The following PSMG1 variants were observed in gnomAD, a reference collection of about 807,000 sequenced individuals.
The protein encoded by PSMG1 is Down syndrome critical region gene 2.
In PSMG1, 23 loss-of-function variants were observed where a neutral mutation model predicts 37.2. The ratio of observed to expected loss-of-function variants is 0.62; its 90% CI spans 0.44 to 0.88. The LOEUF (loss-of-function observed/expected upper bound fraction) is 0.88. Ranked by LOEUF, PSMG1 falls within the 40% of genes least tolerant of loss-of-function variation. The pLI is 0.00. For missense variants in PSMG1, 340 were observed against 344.2 expected (o/e 0.99, Z 0.10); for synonymous variants, 127 against 128.0 (o/e 0.99, Z 0.05).
At chr21:39,176,667 T>G (rs1331620703) in intron 6 of PSMG1, among the ~76,000 whole-genome samples, 2 of 152,176 alleles carry the variant, frequency 1.3e-5, no homozygotes, top group African/African-American at 4.8e-5. Flanking sequence ...ATACCAAAAT[T>G]AAAAATCGTG....
Position 39,181,897 on chromosome 21 carries a change from T to C in PSMG1, c.135-19A>G, listed in dbSNP as rs200721578. Reference sequence around the variant, plus strand: ...CACTTCCCTAACACAAGAAACAAGATGAAACTAAAGCAACTTCAATATAAA... The same window carrying C: ...CACTTCCCTAACACAAGAAACAAGACGAAACTAAAGCAACTTCAATATAAA... On this transcript the variant is annotated intron_variant, in intron 1 of 6. Coordinates refer to ENST00000331573, the MANE Select transcript of PSMG1 (RefSeq NM_003720.4). The C allele has an allele frequency of 9.1e-6, 14 of 1,542,628 alleles. No individual in the cohort carries two copies. In the East Asian group the frequency reaches 3.3e-4, roughly 36 times the overall value.
rs1202664444 is a variant in PSMG1 at position 39,178,430 on chromosome 21, T to C, written c.655+19A>G. The stretch of plus-strand genomic sequence containing the variant: ...AAAGCAATAAGATAGAATGTAAATG[T>C]TACAAATTTTAATACCACCTGCTGC... On this transcript the variant is annotated intron_variant, in intron 5 of 6. Transcript: ENST00000331573. The C allele has an allele frequency of 6.3e-7, 1 of 1,590,208 alleles. No individual in the cohort carries two copies. Among genetic ancestry groups the C allele is most frequent in the Admixed American group, 1.7e-5 (1 of 59,938 alleles).
chr21:39,183,476 T>G, upstream of PSMG1: 2 of 1,434,578 alleles, frequency 1.4e-6, no homozygotes, highest in East Asian at 5.6e-5. Context: ...GCGCGGGCAA[T>G]AAGTCCCGCC....
In PSMG1 at chr21:39,175,178, C is replaced by G. The variant is rs2030584185; in HGVS notation, c.*412G>C. 6.5e-6 allele frequency: 1 copy of G among 152,878 alleles called. No homozygotes were observed. Among genetic ancestry groups the G allele is most frequent in the Non-Finnish European group, 1.5e-5 (1 of 68,658 alleles). 9.5% of individuals were successfully genotyped at this position (152,878 alleles called of 1,614,324 possible). A position where few individuals can be genotyped will look rare whatever the true frequency, so the allele number is the denominator to read the frequency against. ...TAAAGTTGGGCACAGTGGCTCACAC[C>G]TGTAATCCCAGCATTTTGGGAGGCC... On this transcript the variant is annotated 3_prime_UTR_variant, in exon 7 of 7. Transcript: ENST00000331573.
At chr21:39,177,597 G>A (rs201541917) in intron 5 of PSMG1, 26 bp from the exon 6 acceptor site, 18 of 1,465,446 alleles carry the variant, frequency 1.2e-5, no homozygotes, top group African/African-American at 7.3e-5. Flanking sequence ...AAAAAAAAAC[G>A]ATGTAAGTTT....
At chr21:39,182,088 G>C (rs142850204) in intron 1 of PSMG1, among the ~76,000 whole-genome samples, 3 of 152,320 alleles carry the variant, frequency 2.0e-5, no homozygotes, top group Middle Eastern at 3.4e-3. Flanking sequence ...CTAAAATAGT[G>C]ATCAGGCTGT....
intron 2 of PSMG1, 109 bp from the exon 3 acceptor site, chr21:39,180,545 T>C (rs939248375): frequency 1.7e-5 from 20 of 1,153,878 alleles, no homozygotes; most frequent in African/African-American, 4.7e-5. Flanking sequence ...GAAAGAGCCA[T>C]TCAAGACCGT....
rs2030713643 is a variant in PSMG1, at chr21:39,178,663, T to C, written c.457-16A>G. 1 of 1,597,102 alleles carries C rather than the reference T, an allele frequency of 6.3e-7. No homozygotes were observed. Among genetic ancestry groups the C allele is most frequent in the Non-Finnish European group, 8.5e-7 (1 of 1,170,422 alleles). Reference sequence around the variant, plus strand: ...AGCCAAAAACCTAACATAAAATTTATTTCAAATTAAAAAAAACATATAATT... The same window carrying C: ...AGCCAAAAACCTAACATAAAATTTACTTCAAATTAAAAAAAACATATAATT... On this transcript the variant is annotated splice_polypyrimidine_tract_variant and intron_variant, in intron 4 of 6. Coordinates refer to ENST00000331573, the MANE Select transcript of PSMG1 (RefSeq NM_003720.4).
chr21:39,181,365 G>A (rs2030821458), intron 2 of PSMG1, among the ~76,000 whole-genome samples: 1 of 151,832 alleles, frequency 6.6e-6, no homozygotes, highest in Admixed American at 6.6e-5. Flanking sequence ...TCAAATCCTG[G>A]CCTCAAGTGA....
At position 39,183,234 on chromosome 21, in the gene PSMG1, C is replaced by A; in HGVS notation, c.134+18G>T. The A allele has an allele frequency of 1.3e-6, 2 of 1,567,116 alleles. No homozygotes were observed. Among genetic ancestry groups the A allele is most frequent in the Non-Finnish European group, 8.6e-7 (1 of 1,159,812 alleles). ...TTCCAGCTGCGGTGAGCGCGCTGCC[C>A]TTATCCCGGTGCCTCACCTCTTCCG... On this transcript the variant is annotated intron_variant, in intron 1 of 6. Coordinates refer to ENST00000331573, the MANE Select transcript of PSMG1 (RefSeq NM_003720.4).
rs201716985 is a variant in PSMG1, at chr21:39,179,963, G to A, written c.417C>T (p.Cys139=). Residue 139 remains cysteine (C), a synonymous_variant, in exon 4 of 7, where the codon TGC becomes TGT. Coordinates refer to ENST00000331573, the MANE Select transcript of PSMG1 (RefSeq NM_003720.4). ...GATACTGTTGATCTTCTGCAACATAGCAACTGCACTGACAGAGAAAAACCT... is the reference window on the plus strand; with the variant it reads ...GATACTGTTGATCTTCTGCAACATAACAACTGCACTGACAGAGAAAAACCT... ...NPSVFLCQCS[C]YVAEDQQYQW... The A allele has an allele frequency of 1.2e-6, 2 of 1,612,964 alleles. No homozygotes were observed. The highest frequency in any genetic ancestry group is 2.2e-5 in the East Asian group (1 of 44,858).
At position 39,183,368 on chromosome 21, in the gene PSMG1, G is replaced by C; in HGVS notation, c.18C>G (p.Phe6Leu). 2 of 1,574,166 alleles carry C rather than the reference G, an allele frequency of 1.3e-6. No homozygotes were observed. The highest frequency in any genetic ancestry group is 1.7e-6 in the Non-Finnish European group (2 of 1,164,024). MAATF[F>L]GEVVKAPCRA... ...GGCACGGCGCCTTCACCACCTCTCC[G>C]AAGAACGTGGCCGCCATAGCCGCCC... Residue 6 changes from phenylalanine (F) to leucine (L), a missense_variant, in exon 1 of 7, where the codon TTC (phenylalanine) becomes TTG (leucine). Coordinates refer to ENST00000331573, the MANE Select transcript of PSMG1 (RefSeq NM_003720.4).
intron 3 of PSMG1, 144 bp downstream of exon 3, chr21:39,180,141 C>CA: frequency 8.0e-7 from 1 of 1,246,608 alleles, no homozygotes; most frequent in Non-Finnish European, 1.1e-6. Context: ...ATTTAACAGT[C>CA]AAACCACTAC....
intron 1 of PSMG1, 94 bp from the exon 2 acceptor site, chr21:39,181,972 T>C (rs1405054021): frequency 2.8e-6 from 2 of 705,392 alleles, no homozygotes; most frequent in African/African-American, 3.8e-5. Flanking sequence ...ATAAATAAAA[T>C]GCACGTTAGT....
At position 39,178,637 on chromosome 21, in the gene PSMG1, G is replaced by C. The variant is rs2030712768; in HGVS notation, c.467C>G (p.Ser156Cys). 1.2e-6 allele frequency: 2 copies of C among 1,612,106 alleles called. No individual in the cohort carries two copies. Among genetic ancestry groups the C allele is most frequent in the Non-Finnish European group, 1.7e-6 (2 of 1,179,284 alleles). ...QYQWLEKVFG[S>C]CPRKNMQITI... Reference sequence around the variant, plus strand: ...TATCTGCATGTTCTTCCTTGGACAAGAGCCAAAAACCTAACATAAAATTTA... The same window carrying C: ...TATCTGCATGTTCTTCCTTGGACAACAGCCAAAAACCTAACATAAAATTTA... Residue 156 changes from serine to cysteine, a missense_variant, in exon 5 of 7, where the codon TCT becomes TGT. Transcript: ENST00000331573.
In PSMG1 at chr21:39,183,450, A is replaced by T; in HGVS notation, c.-65T>A. On this transcript the variant is annotated 5_prime_UTR_variant, in exon 1 of 7. Transcript: ENST00000331573. ...GGGACCGCACGCCGGCTTGCGCGAG[A>T]CCACGCTCCCTCACCGCGCGGGCAA... The T allele has an allele frequency of 6.7e-7, 1 of 1,499,404 alleles. No homozygotes were observed. Among genetic ancestry groups the T allele is most frequent in the Non-Finnish European group, 8.9e-7 (1 of 1,127,300 alleles). The allele number at this position is 1,499,404 out of a possible 1,614,324, so 92.9% of individuals were successfully genotyped here. A position where few individuals can be genotyped will look rare whatever the true frequency, so the allele number is the denominator to read the frequency against.
At position 39,175,604 on chromosome 21, in the gene PSMG1, T is replaced by C. The variant is rs1187169158; in HGVS notation, c.853A>G (p.Asn285Asp). ...KLMTTNEIQS[N>D]IYT ...AATGTTTAAGATCATGTATAAATGT[T>C]ACTCTGAATCTCATTTGTTGTCATC... Residue 285 changes from asparagine (N) to aspartate (D), a missense_variant, in exon 7 of 7, where the codon AAC (asparagine) becomes GAC (aspartate). Physicochemically the swap from Asn to Asp is conservative, Grantham distance 23. Coordinates refer to ENST00000331573, the MANE Select transcript of PSMG1 (RefSeq NM_003720.4). 2 of 1,593,310 alleles carry C rather than the reference T, an allele frequency of 1.3e-6. No homozygotes were observed. The highest frequency in any genetic ancestry group is 1.7e-5 in the Admixed American group (1 of 59,956).
intron 5 of PSMG1, 32 bp downstream of exon 5, chr21:39,178,417 T>C: frequency 6.4e-7 from 1 of 1,565,496 alleles, no homozygotes; most frequent in Non-Finnish European, 8.8e-7. Context: ...AGCAATAAGA[T>C]AGAATGTAAA....
chr21:39,182,694 G>A (rs773251822), intron 1 of PSMG1, among the ~76,000 whole-genome samples: 8 of 152,184 alleles, frequency 5.3e-5, no homozygotes, highest in Non-Finnish European at 1.0e-4. Context: ...CGGTTGTGTA[G>A]GGGTCAGGGC....
Sources: gnomAD v4.1 joint callset for allele counts (sites outside exome capture counted in the v4.1 genomes callset) on GRCh38, gnomAD v4.1.1 for gene constraint, MANE v1.5 for transcripts, NCBI Gene and HGNC (gene_info 2026-07-23, HGNC 2026-07-21) for gene names.